Variants in NRXN2 observed in about 807,000 individuals in gnomAD.
NRXN2 encodes neurexin 2, also known as neurexin-2-beta.
In NRXN2, 29 loss-of-function variants were observed where a neutral mutation model predicts 128.8. That is an observed-to-expected ratio of 0.23 (90% confidence interval 0.17 to 0.31). NRXN2 has a LOEUF of 0.31. NRXN2 is among the 10% of genes least tolerant of loss of function. The pLI is 1.00. For missense variants in NRXN2, 1,881 were observed against 2,452.6 expected, an observed-to-expected ratio of 0.77 and a Z score of 4.92; for synonymous variants, 1,098 against 1,075.2, an observed-to-expected ratio of 1.02 and a Z score of -0.41.
chr11:64,650,186 C>G (rs2047265366), intron 15 of NRXN2, among the ~76,000 whole-genome samples: 1 of 152,082 alleles, frequency 6.6e-6, no homozygotes, highest in South Asian at 2.1e-4. Flanking sequence ...TTACCTACTC[C>G]TAGCTCTGGA....
At chr11:64,639,322 G>C (rs1185488344) in intron 17 of NRXN2, among the ~76,000 whole-genome samples, 1 of 152,002 alleles carries the variant, frequency 6.6e-6, no homozygotes, top group Non-Finnish European at 1.5e-5. Context: ...CCCCCTGCTT[G>C]GCCATAAACC....
chr11:64,685,751 G>T lies in NRXN2; in HGVS notation c.1047C>A (p.Val349=). 6.2e-7 allele frequency: 1 copy of T among 1,614,224 alleles called. No individual in the cohort carries two copies. The highest frequency in any genetic ancestry group is 1.1e-5 in the South Asian group (1 of 91,068). Residue 349 remains valine (V), a synonymous_variant, in exon 6 of 23, where the codon GTC becomes GTA. Transcript: ENST00000265459. ...LSLKSGAVWL[V]INLGSGAFEA... ...CGAAGGCACCTGAGCCTAGGTTGAT[G>T]ACCAGCCAGACAGCCCCAGACTTGA...
rs2044602058 is a variant in NRXN2 at position 64,635,688 on chromosome 11, C to G, written c.3404-236G>C. ...GTAGCTGCCTCATCAAGAATGCTAG[C>G]TTTAATTACAGCAAAATAGAGAGGT... On this transcript the variant is annotated intron_variant, in intron 17 of 22. Transcript: ENST00000265459. This position sits in a 1 kb window ranked among gnomAD's most constrained non-coding sequence, Gnocchi z 4.8. Among the ~76,000 whole-genome samples, 1 of 152,114 alleles carries G rather than the reference C, an allele frequency of 6.6e-6. No homozygotes were observed. Among genetic ancestry groups the G allele is most frequent in the African/African-American group, 2.4e-5 (1 of 41,394 alleles).
In NRXN2 at chr11:64,622,908, C is replaced by T; in HGVS notation, c.4018G>A (p.Val1340Met). 6.2e-7 allele frequency: 1 copy of T among 1,613,240 alleles called. No individual in the cohort carries two copies. Among genetic ancestry groups the T allele is most frequent in the Non-Finnish European group, 8.5e-7 (1 of 1,179,826 alleles). The change falls in exon 21 of 23, where the codon GTG becomes ATG. Residue 1340 changes from valine (V) to methionine (M), a missense_variant. Around this residue, in one of 7 missense-constraint regions of NRXN2, gnomAD observed 108 missense variants for 165.2 expected, o/e 0.65. Coordinates refer to ENST00000265459, the MANE Select transcript of NRXN2 (RefSeq NM_015080.4). This position sits in a 1 kb window ranked among gnomAD's most constrained non-coding sequence, Gnocchi z 4.3. ...NVRTEGHLRLVGEGPSVLLSA... is the reference protein window; with the variant it reads ...NVRTEGHLRLMGEGPSVLLSA... ...AGCAGCACGGACGGCCCCTCCCCCA[C>T]CAGGCGCAGGTGACCCTCAGTCCGC...
intron 6 of NRXN2, among the ~76,000 whole-genome samples, chr11:64,684,640 A>G (rs2052760023): frequency 6.6e-6 from 1 of 152,184 alleles, no homozygotes; most frequent in Non-Finnish European, 1.5e-5. Context: ...GAGCCTGCTG[A>G]CGAGGCTTTC....
rs1024329194 is a variant in NRXN2, at chr11:64,644,677, G to C, written c.3403+3542C>G. ...TGGGAAGGCAGAGGGTAGAGGAGGA[G>C]GGAAAGGAGGAGAGAGGTGGAGAGG... On this transcript the variant is annotated intron_variant, in intron 17 of 22. Transcript: ENST00000265459. Among the ~76,000 whole-genome samples, 5 of 152,214 alleles carry C rather than the reference G, an allele frequency of 3.3e-5. No homozygotes were observed. In the East Asian group the frequency reaches 9.7e-4, roughly 29 times the overall value.
intron 5 of NRXN2, 146 bp downstream of exon 5, chr11:64,690,259 A>T: frequency 2.8e-6 from 2 of 719,658 alleles, no homozygotes; most frequent in East Asian, 5.4e-5. Flanking sequence ...TTGGAATGGC[A>T]CTCGGGGAGC....
At chr11:64,645,954 G>C (rs543465847) in intron 17 of NRXN2, among the ~76,000 whole-genome samples, 79 of 152,276 alleles carry the variant, frequency 5.2e-4, no homozygotes, top group African/African-American at 1.6e-3. Context: ...CTGGGTTCCT[G>C]CCTGACCTTG....
intron 3 of NRXN2, among the ~76,000 whole-genome samples, chr11:64,693,370 C>T (rs1459353602): frequency 4.8e-5 from 7 of 144,734 alleles, no homozygotes; most frequent in Admixed American, 2.8e-4. Context: ...ACGAGAAAAA[C>T]GATTCAGATG....
Position 64,702,114 on chromosome 11 carries a change from G to A in NRXN2, c.731-4322C>T, listed in dbSNP as rs551490984. Among the ~76,000 whole-genome samples the A allele has an allele frequency of 4.0e-4, 55 of 137,370 alleles. No individual in the cohort carries two copies. In the East Asian group the frequency reaches 9.6e-3, roughly 24 times the overall value. The allele number at this position is 137,370 out of a possible 152,430, so 90.1% of individuals were successfully genotyped here. On this transcript the variant is annotated intron_variant, in intron 2 of 22. Coordinates refer to ENST00000265459, the MANE Select transcript of NRXN2 (RefSeq NM_015080.4). ...AGCCCCTCTGCCCGGCCAGCCGCCC[G>A]TCCGGGAGGTAGGTGGGGGGGTCAG...
In NRXN2 at chr11:64,651,146, G is replaced by T; in HGVS notation, c.2918+109C>A. The T allele has an allele frequency of 6.8e-7, 1 of 1,471,684 alleles. No individual in the cohort carries two copies. The highest frequency in any genetic ancestry group is 9.4e-7 in the Non-Finnish European group (1 of 1,064,582). 91.2% of individuals were successfully genotyped at this position (1,471,684 alleles called of 1,614,324 possible). The stretch of plus-strand genomic sequence containing the variant: ...CGGTCGGGGACCTGAATCTTGACTT[G>T]TGATCTGGGGGGATTGGACACCTCG... On this transcript the variant is annotated intron_variant, in intron 14 of 22. Transcript: ENST00000265459. This position sits in a 1 kb window ranked among gnomAD's most constrained non-coding sequence, Gnocchi z 5.9.
Position 64,713,559 on chromosome 11 carries a change from C to T in NRXN2, c.141G>A (p.Ala47=). The change falls in exon 2 of 23, where the codon GCG becomes GCA. Residue 47 remains alanine, a synonymous_variant. Transcript: ENST00000265459. ...QWARYARWAG[A]ASSGELSFSL... ...TGAAGCTGAGCTCGCCGCTGCTCGC[C>T]GCGCCCGCCCAGCGCGCGTAGCGAG... 7.1e-7 allele frequency: 1 copy of T among 1,417,178 alleles called. No individual in the cohort carries two copies. The highest frequency in any genetic ancestry group is 1.5e-5 in the African/African-American group (1 of 67,678). 87.8% of individuals were successfully genotyped at this position (1,417,178 alleles called of 1,614,324 possible).
In NRXN2 at chr11:64,713,155, A is replaced by G; in HGVS notation, c.545T>C (p.Leu182Pro). The part of the protein sequence containing the change: ...EPPFRGLLAN[L>P]KLGERPPALL... ...CGCGGGGGGCCGCTCGCCCAGCTTCAGGTTGGCCAAGAGGCCGCGGAAGGG... is the reference window on the plus strand; with the variant it reads ...CGCGGGGGGCCGCTCGCCCAGCTTCGGGTTGGCCAAGAGGCCGCGGAAGGG... Residue 182 changes from leucine to proline, a missense_variant, in exon 2 of 23, where the codon CTG (leucine) becomes CCG (proline). By Grantham distance (98) the Leu-to-Pro change is moderately conservative. Transcript: ENST00000265459. The G allele has an allele frequency of 6.9e-7, 1 of 1,451,942 alleles. No individual in the cohort carries two copies. Among genetic ancestry groups the G allele is most frequent in the Non-Finnish European group, 9.1e-7 (1 of 1,104,026 alleles). 89.9% of individuals were successfully genotyped at this position (1,451,942 alleles called of 1,614,324 possible). A position where few individuals can be genotyped will look rare whatever the true frequency, so the allele number is the denominator to read the frequency against.
rs184183406 is a variant in NRXN2 at position 64,631,710 on chromosome 11, A to C, written c.3586-1137T>G. ...CCAGTGTTCTCTCCCTTTGCCCACCAGTCTAGGAAGACCCTGACTCAAGGA... is the reference window on the plus strand; with the variant it reads ...CCAGTGTTCTCTCCCTTTGCCCACCCGTCTAGGAAGACCCTGACTCAAGGA... On this transcript the variant is annotated intron_variant, in intron 18 of 22. Transcript: ENST00000265459. The surrounding 1 kb of genome is among the most constrained non-coding windows in gnomAD (Gnocchi z 4.8). Among the ~76,000 whole-genome samples, 1 of 152,214 alleles carries C rather than the reference A, an allele frequency of 6.6e-6. No individual in the cohort carries two copies. The highest frequency in any genetic ancestry group is 1.9e-4 in the East Asian group (1 of 5,168).
At chr11:64,705,510 A>T (rs2056146662) in intron 2 of NRXN2, among the ~76,000 whole-genome samples, 3 of 151,128 alleles carry the variant, frequency 2.0e-5, no homozygotes, top group Admixed American at 1.3e-4. Context: ...GTCTGCGGCC[A>T]CTACTGCTCT....
At chr11:64,642,779 C>T in intron 17 of NRXN2, 2 of 1,174,888 alleles carry the variant, frequency 1.7e-6, no homozygotes, top group East Asian at 3.7e-5. Context: ...GGGCACCCCC[C>T]CGGCCCGCTC....
Position 64,713,257 on chromosome 11 carries a change from C to A in NRXN2, c.443G>T (p.Ser148Ile). 2 of 1,436,642 alleles carry A rather than the reference C, an allele frequency of 1.4e-6. No homozygotes were observed. The highest frequency in any genetic ancestry group is 3.1e-5 in the East Asian group (1 of 32,444). The allele number at this position is 1,436,642 out of a possible 1,614,324, so 89.0% of individuals were successfully genotyped here. ...CGGGATGCCGCCCACGAACAGGTCG[C>A]TGGCCACCTGCATCTCGCGCCGCTT... The part of the protein sequence containing the change: ...RSKRREMQVA[S>I]DLFVGGIPPD... Residue 148 changes from serine to isoleucine, a missense_variant, in exon 2 of 23, where the codon AGC becomes ATC. Ser to Ile is a moderately radical substitution (Grantham distance 142, BLOSUM62 -2). Transcript: ENST00000265459.
intron 7 of NRXN2, among the ~76,000 whole-genome samples, chr11:64,670,542 T>G (rs2050498954): frequency 6.6e-6 from 1 of 152,124 alleles, no homozygotes; most frequent in Admixed American, 6.5e-5. Context: ...CCACTCTGCC[T>G]GATGCTGCAC....
chr11:64,647,058 ACTCATGC>A (rs1258726995), intron 17 of NRXN2, among the ~76,000 whole-genome samples: 1 of 152,060 alleles, frequency 6.6e-6, no homozygotes, highest in Non-Finnish European at 1.5e-5. Context: ...GAAACTCAGG[ACTCATGC>A]CCAGGTGATG....
Sources: gnomAD v4.1 joint callset for allele counts (sites outside exome capture counted in the v4.1 genomes callset) on GRCh38, gnomAD v4.1.1 for gene constraint, gnomAD v4.1.1 regional missense constraint, Gnocchi (gnomAD v3.1) non-coding constraint, MANE v1.5 for transcripts, NCBI Gene and HGNC (gene_info 2026-07-23, HGNC 2026-07-21) for gene names.